CNOT6: variants seen among roughly 807,000 people sequenced by gnomAD.
CNOT6 encodes the protein CCR4-NOT transcription complex subunit 6.
Under a neutral mutation model 61.2 loss-of-function variants are expected in CNOT6, and 12 were observed. That is an observed-to-expected ratio of 0.20 (90% CI 0.13 to 0.32). The LOEUF (loss-of-function observed/expected upper bound fraction) is 0.32, where lower values mean the gene tolerates loss of function less well. CNOT6 is among the 10% of genes least tolerant of loss of function. The pLI, the probability that CNOT6 is intolerant of heterozygous loss-of-function variation, is 1.00. For synonymous variants in CNOT6, 225 were observed against 240.6 expected (o/e 0.94, Z 0.60); for missense variants, 405 against 663.9 (o/e 0.61, Z 4.28).
At chr5:180,568,997 T>C in intron 9 of CNOT6, 113 bp from the exon 10 acceptor site, 1 of 741,002 alleles carries the variant, frequency 1.3e-6, no homozygotes, top group South Asian at 1.9e-5. Flanking sequence ...GAATTTTAGG[T>C]GTCTTTTCTA....
intron 2 of CNOT6, among the ~76,000 whole-genome samples, chr5:180,549,453 T>C (rs1022658705): frequency 6.6e-6 from 1 of 151,968 alleles, no homozygotes; most frequent in Non-Finnish European, 1.5e-5. Flanking sequence ...ATCGAGACCA[T>C]CCTTGTTAAC....
chr5:180,552,438 G>GT, intron 3 of CNOT6, among the ~76,000 whole-genome samples: 1 of 151,638 alleles, frequency 6.6e-6, no homozygotes, highest in Non-Finnish European at 1.5e-5. Flanking sequence ...TCTGGAGATC[G>GT]AGACCATCCT....
intron 2 of CNOT6, among the ~76,000 whole-genome samples, chr5:180,547,563 C>G (rs905802601): frequency 5.9e-5 from 9 of 152,008 alleles, no homozygotes; most frequent in African/African-American, 1.9e-4. Flanking sequence ...CTGTCAGTCT[C>G]TCTTATTGTT....
chr5:180,505,380 C>T (rs1324482085), intron 1 of CNOT6, among the ~76,000 whole-genome samples: 8 of 141,394 alleles, frequency 5.7e-5, no homozygotes, highest in African/African-American at 8.1e-5. Flanking sequence ...CTCAGCCTCC[C>T]GAGTAGCTGG....
intron 2 of CNOT6, among the ~76,000 whole-genome samples, chr5:180,548,976 T>C (rs182711629): frequency 1.7e-3 from 262 of 152,352 alleles, no homozygotes; most frequent in African/African-American, 5.6e-3. Context: ...TACTGTTGCA[T>C]TGAAAGGTTT....
intron 10 of CNOT6, 27 bp from the exon 11 acceptor site, chr5:180,571,203 C>CA (rs1406996969): frequency 6.6e-7 from 1 of 1,509,736 alleles, no homozygotes; most frequent in Non-Finnish European, 9.2e-7. Flanking sequence ...ATATATTTGA[C>CA]AATAAAAAAA....
At chr5:180,509,982 T>C (rs749353484) in intron 1 of CNOT6, among the ~76,000 whole-genome samples, 1 of 151,930 alleles carries the variant, frequency 6.6e-6, no homozygotes, top group Non-Finnish European at 1.5e-5. Flanking sequence ...TGTGTAGTTA[T>C]GATTTAAGTT....
chr5:180,548,843 T>A (rs1395907299), intron 2 of CNOT6, among the ~76,000 whole-genome samples: 1 of 152,242 alleles, frequency 6.6e-6, no homozygotes, highest in Non-Finnish European at 1.5e-5. Context: ...GACTGGTATG[T>A]TTTTATTACA....
chr5:180,501,605 T>TGA (rs1190306914), intron 1 of CNOT6, among the ~76,000 whole-genome samples: 4 of 152,154 alleles, frequency 2.6e-5, no homozygotes, highest in Non-Finnish European at 5.9e-5. Context: ...TTGACAGAGG[T>TGA]AAGATCTCCA....
At chr5:180,500,128 C>T (rs1346545270) in intron 1 of CNOT6, among the ~76,000 whole-genome samples, 3 of 149,848 alleles carry the variant, frequency 2.0e-5, no homozygotes, top group Non-Finnish European at 4.4e-5. Context: ...CTTTCTTTTG[C>T]TTTTCCTTTT....
intron 2 of CNOT6, among the ~76,000 whole-genome samples, chr5:180,533,824 A>G (rs551999006): frequency 6.6e-6 from 1 of 152,242 alleles, no homozygotes; most frequent in African/African-American, 2.4e-5. Flanking sequence ...TTATCCCTCC[A>G]TAGAACCACC....
At chr5:180,564,456 G>A (rs1398321065) in intron 4 of CNOT6, 33 bp from the exon 5 acceptor site, 1 of 1,437,050 alleles carries the variant, frequency 7.0e-7, no homozygotes, top group South Asian at 1.2e-5. Flanking sequence ...TTATTACTTA[G>A]TTTCATTTTA....
chr5:180,515,597 A>G (rs1757597023), intron 1 of CNOT6, among the ~76,000 whole-genome samples: 1 of 152,128 alleles, frequency 6.6e-6, no homozygotes, highest in African/African-American at 2.4e-5. Context: ...AGGATGTGTA[A>G]TAGTTGAAGT....
intron 1 of CNOT6, among the ~76,000 whole-genome samples, chr5:180,525,538 C>CAA (rs56234526): frequency 1.1e-4 from 9 of 83,542 alleles, no homozygotes; most frequent in Admixed American, 3.9e-4. Flanking sequence ...GACCCTGTCT[C>CAA]AAAAAAAAAA....
At chr5:180,565,102 A>C (rs1241151341) in intron 6 of CNOT6, among the ~76,000 whole-genome samples, 1 of 152,240 alleles carries the variant, frequency 6.6e-6, no homozygotes, top group African/African-American at 2.4e-5. Flanking sequence ...ACAGGCCCCC[A>C]CAACAGACTT....
chr5:180,556,968 A>G (rs1028097346), intron 4 of CNOT6, among the ~76,000 whole-genome samples: 1 of 152,176 alleles, frequency 6.6e-6, no homozygotes, highest in East Asian at 1.9e-4. Flanking sequence ...AAAAAAAAAA[A>G]AAGAATGCTA....
intron 11 of CNOT6, among the ~76,000 whole-genome samples, chr5:180,572,500 C>T (rs1370944884): frequency 1.3e-5 from 2 of 151,844 alleles, no homozygotes; most frequent in Admixed American, 6.6e-5. Context: ...AGACTTACAC[C>T]ATTTTTAACG....
intron 1 of CNOT6, among the ~76,000 whole-genome samples, chr5:180,525,557 T>C (rs1033704001): frequency 6.7e-6 from 1 of 149,574 alleles, no homozygotes; most frequent in Non-Finnish European, 1.5e-5. Flanking sequence ...AAAAAAAAAG[T>C]AGTTCTATTT....
At chr5:180,496,290 T>C (rs1357121085) in intron 1 of CNOT6, among the ~76,000 whole-genome samples, 1 of 152,170 alleles carries the variant, frequency 6.6e-6, no homozygotes, top group East Asian at 1.9e-4. Context: ...CTACTCCAGG[T>C]GTTTTGCTTT....
Sources: allele counts gnomAD v4.1 joint callset (sites outside exome capture counted in the v4.1 genomes callset), GRCh38; gene constraint gnomAD v4.1.1; transcripts MANE v1.5; gene names NCBI Gene and HGNC (gene_info 2026-07-23, HGNC 2026-07-21).